Variants in PBLD observed in about 807,000 individuals in gnomAD.
PBLD encodes the protein phenazine biosynthesis-like domain-containing protein.
In PBLD, 26 loss-of-function variants were observed where a neutral mutation model predicts 31.3. The observed-to-expected ratio is 0.83, with a 90% CI of 0.61 to 1.15. The LOEUF is 1.15. Ranked by LOEUF, PBLD falls within the 50% of genes most tolerant of loss-of-function variation. The probability of loss-of-function intolerance (pLI) is 0.00; values close to 1 mark genes in which losing one functional copy is unlikely to be tolerated. For synonymous variants in PBLD, 114 were observed against 129.0 expected (o/e 0.88, Z 0.79); for missense variants, 307 against 351.7 (o/e 0.87, Z 1.02).
chr10:68,284,804 C>T (rs1317419588), intron 9 of PBLD, among the ~76,000 whole-genome samples: 1 of 152,206 alleles, frequency 6.6e-6, no homozygotes, highest in Non-Finnish European at 1.5e-5. Context: ...CTTCCAGGAG[C>T]TCAGTACTTA....
intron 1 of PBLD, among the ~76,000 whole-genome samples, chr10:68,317,827 G>A (rs1214963519): frequency 6.6e-6 from 1 of 151,638 alleles, no homozygotes; most frequent in Non-Finnish European, 1.5e-5. Flanking sequence ...CAAAAAAAAT[G>A]TAGAGATTTG....
At chr10:68,301,813 A>G (rs1487959763) in intron 2 of PBLD, among the ~76,000 whole-genome samples, 2 of 152,206 alleles carry the variant, frequency 1.3e-5, no homozygotes, top group African/African-American at 4.8e-5. Flanking sequence ...CGCAAAGTCC[A>G]CTGCCCACCA....
rs983419497 is a variant in PBLD at position 68,310,728 on chromosome 10, A to G, written c.-59-3825T>C. Among the ~76,000 whole-genome samples, 3 of 149,728 alleles carry G rather than the reference A, an allele frequency of 2.0e-5. No individual in the cohort carries two copies. In the Admixed American group the frequency reaches 2.0e-4, roughly 10 times the overall value. The stretch of plus-strand genomic sequence containing the variant: ...TGTCTTTCTGTGTTTGGCTTATTTC[A>G]CTTAGCATAATGCCTTCCAGGTTCA... On this transcript the variant is annotated intron_variant, in intron 1 of 9. Coordinates refer to ENST00000358769, the MANE Select transcript of PBLD (RefSeq NM_022129.4).
intron 3 of PBLD, among the ~76,000 whole-genome samples, chr10:68,296,585 C>T (rs1000455859): frequency 1.3e-5 from 2 of 152,150 alleles, no homozygotes; most frequent in African/African-American, 4.8e-5. Flanking sequence ...CCAAATGAAC[C>T]GAAACCAAAT....
chr10:68,297,896 C>CA (rs1386151295), intron 2 of PBLD, among the ~76,000 whole-genome samples: 2 of 150,868 alleles, frequency 1.3e-5, no homozygotes, highest in Non-Finnish European at 3.0e-5. Context: ...AGCTTGAGTC[C>CA]AGGAGTTCAA....
At chr10:68,284,344 A>C (rs1473621682) in intron 9 of PBLD, 55 bp from the exon 10 acceptor site, 2 of 1,421,868 alleles carry the variant, frequency 1.4e-6, no homozygotes, top group East Asian at 4.6e-5. Flanking sequence ...TAAATTAACA[A>C]AGCATAGTGA....
chr10:68,315,229 G>A (rs1158112405), intron 1 of PBLD, among the ~76,000 whole-genome samples: 1 of 152,194 alleles, frequency 6.6e-6, no homozygotes, highest in Non-Finnish European at 1.5e-5. Flanking sequence ...TAAGGCAAAT[G>A]ATAGGCTAAT....
intron 1 of PBLD, among the ~76,000 whole-genome samples, chr10:68,309,290 C>G (rs2044627382): frequency 1.3e-5 from 2 of 148,708 alleles, no homozygotes; most frequent in Admixed American, 1.4e-4. Context: ...GCCTATAATC[C>G]CAGCTACTTG....
At chr10:68,312,999 C>T (rs955116213) in intron 1 of PBLD, among the ~76,000 whole-genome samples, 2 of 151,954 alleles carry the variant, frequency 1.3e-5, no homozygotes, top group Admixed American at 6.6e-5. Context: ...ACTGCAGCCT[C>T]GACCTCCCCA....
At chr10:68,315,729 AG>A (rs967514269) in intron 1 of PBLD, among the ~76,000 whole-genome samples, 5 of 152,158 alleles carry the variant, frequency 3.3e-5, no homozygotes, top group African/African-American at 1.2e-4. Context: ...ACTGAGACCT[AG>A]GGGTTTTGTG....
intron 1 of PBLD, among the ~76,000 whole-genome samples, chr10:68,322,148 G>C (rs1321922642): frequency 6.6e-6 from 1 of 152,150 alleles, no homozygotes; most frequent in African/African-American, 2.4e-5. Context: ...CTTTACCTCT[G>C]TGGTTTTCCT....
chr10:68,325,969 T>C (rs972361672), intron 1 of PBLD, among the ~76,000 whole-genome samples: 3 of 152,228 alleles, frequency 2.0e-5, no homozygotes, highest in Non-Finnish European at 4.4e-5. Flanking sequence ...ATGGAATGTA[T>C]CTGTATGCTC....
chr10:68,320,658 T>A (rs1306892303), intron 1 of PBLD, among the ~76,000 whole-genome samples: 1 of 152,030 alleles, frequency 6.6e-6, no homozygotes, highest in African/African-American at 2.4e-5. Flanking sequence ...ATTGTTGTAT[T>A]TCTCTCTTTC....
chr10:68,330,927 T>C (rs1186737643), intron 1 of PBLD, among the ~76,000 whole-genome samples: 4 of 152,154 alleles, frequency 2.6e-5, no homozygotes, highest in Non-Finnish European at 5.9e-5. Flanking sequence ...CAATCACGGC[T>C]CACTGCAGCC....
intron 1 of PBLD, among the ~76,000 whole-genome samples, chr10:68,325,285 C>T (rs1444745915): frequency 6.6e-6 from 1 of 151,706 alleles, no homozygotes; most frequent in African/African-American, 2.4e-5. Context: ...CTACATTGGC[C>T]GGGAATGGCG....
In PBLD at chr10:68,296,766, G is replaced by A. The variant is rs558411136; in HGVS notation, c.184+120C>T. On this transcript the variant is annotated intron_variant, in intron 3 of 9. Coordinates refer to ENST00000358769, the MANE Select transcript of PBLD (RefSeq NM_022129.4). Reference sequence around the variant, plus strand: ...CACCTATAATGCCAGCACTTCGGGAGGCTGAGGCACAATAATTGCTTGAAC... The same window carrying A: ...CACCTATAATGCCAGCACTTCGGGAAGCTGAGGCACAATAATTGCTTGAAC... 16 of 854,854 alleles carry A rather than the reference G, an allele frequency of 1.9e-5. No individual in the cohort carries two copies. In the East Asian group the frequency reaches 3.7e-4, roughly 20 times the overall value. The allele number at this position is 854,854 out of a possible 1,614,324, so 53.0% of individuals were successfully genotyped here.
rs368645385 is a variant in PBLD at position 68,327,431 on chromosome 10, G to A, written c.-60+5353C>T. On this transcript the variant is annotated intron_variant, in intron 1 of 9. Transcript: ENST00000358769. ...GCTGTGGCTCACGCCTGTAATCCCA[G>A]CATTTTGGAAGGCTGAGGCAGGTGG... Among the ~76,000 whole-genome samples, 58 of 151,942 alleles carry A rather than the reference G, an allele frequency of 3.8e-4. No homozygotes were observed. The South Asian group carries it at 0.011, about 29-fold the overall frequency.
intron 1 of PBLD, among the ~76,000 whole-genome samples, chr10:68,307,900 A>AT (rs1194316276): frequency 2.0e-5 from 3 of 152,180 alleles, no homozygotes; most frequent in Non-Finnish European, 4.4e-5. Context: ...AAAAGAACGC[A>AT]TTTTTTCTAA....
chr10:68,297,302 C>T (rs1411175122), intron 2 of PBLD, among the ~76,000 whole-genome samples: 1 of 152,162 alleles, frequency 6.6e-6, no homozygotes, highest in South Asian at 2.1e-4. Context: ...AAACAATCTC[C>T]ACACAAGGAA....
Sources: gnomAD v4.1 joint callset for allele counts (sites outside exome capture counted in the v4.1 genomes callset) on GRCh38, gnomAD v4.1.1 for gene constraint, MANE v1.5 for transcripts, NCBI Gene and HGNC (gene_info 2026-07-23, HGNC 2026-07-21) for gene names.